Variants in TRAPPC12 observed in about 807,000 individuals in gnomAD.
TRAPPC12 encodes the protein trafficking protein particle complex subunit 12.
TRAPPC12 carries 61 observed loss-of-function variants against 69.2 expected under a neutral mutation model. The ratio of observed to expected loss-of-function variants is 0.88; its 90% CI spans 0.72 to 1.09. The LOEUF is 1.09. Among genes scored for constraint, TRAPPC12 ranks in the 50% least tolerant of loss-of-function variants. The probability of loss-of-function intolerance (pLI) is 0.00; values close to 1 mark genes in which losing one functional copy is unlikely to be tolerated. For missense variants in TRAPPC12, 1,101 were observed against 1,016.4 expected (o/e 1.08, Z -1.13); for synonymous variants, 469 against 438.9 (o/e 1.07, Z -0.86).
intron 6 of TRAPPC12, among the ~76,000 whole-genome samples, chr2:3,450,823 T>C (rs907650747): frequency 6.6e-6 from 1 of 151,958 alleles, no homozygotes; most frequent in Non-Finnish European, 1.5e-5. Context: ...CCCAGTAGTT[T>C]GTATACTAGA....
chr2:3,404,214 G>A (rs578156584), intron 3 of TRAPPC12, among the ~76,000 whole-genome samples: 89 of 152,234 alleles, frequency 5.8e-4, no homozygotes, highest in African/African-American at 2.0e-3. Context: ...CTGTGAGGTC[G>A]CGCAGGGACA....
chr2:3,452,481 G>A (rs747851469), intron 6 of TRAPPC12, among the ~76,000 whole-genome samples: 4 of 152,162 alleles, frequency 2.6e-5, no homozygotes, highest in Non-Finnish European at 4.4e-5. Context: ...CGGTCAGCTG[G>A]GTCTGTTCCA....
At chr2:3,388,933 T>C in intron 2 of TRAPPC12, 1 of 405,442 alleles carries the variant, frequency 2.5e-6, no homozygotes, top group Non-Finnish European at 4.3e-6. Context: ...ATTCTCTCAG[T>C]CAGTTCTCCA....
intron 3 of TRAPPC12, among the ~76,000 whole-genome samples, chr2:3,417,784 T>C (rs1243608240): frequency 6.6e-6 from 1 of 152,152 alleles, no homozygotes; most frequent in Admixed American, 6.5e-5. Flanking sequence ...GGCTCACGCC[T>C]GTAATCTCAG....
intron 9 of TRAPPC12, among the ~76,000 whole-genome samples, chr2:3,475,322 G>A (rs973387765): frequency 2.6e-5 from 4 of 151,660 alleles, no homozygotes; most frequent in South Asian, 4.2e-4. Context: ...TTTGTTGCCC[G>A]GTCTGGTCTT....
rs1296604156 is a variant in TRAPPC12, at chr2:3,387,847, C to T, written c.224C>T (p.Ser75Phe). 1 of 1,603,618 alleles carries T rather than the reference C, an allele frequency of 6.2e-7. No homozygotes were observed. Among genetic ancestry groups the T allele is most frequent in the Admixed American group, 1.7e-5 (1 of 59,654 alleles). The stretch of plus-strand genomic sequence containing the variant: ...ATGGAGAGCGTCCTCATCTCTGACT[C>T]CCCCAACAGCGAGGGCGACGCGGGC... The part of the protein sequence containing the change: ...HMMESVLISD[S>F]PNSEGDAGDL... Residue 75 changes from serine (S) to phenylalanine (F), a missense_variant, in exon 2 of 12, where the codon TCC (serine) becomes TTC (phenylalanine). Physicochemically the swap from Ser to Phe is radical, Grantham distance 155. Coordinates refer to ENST00000324266, the MANE Select transcript of TRAPPC12 (RefSeq NM_016030.6).
intron 8 of TRAPPC12, among the ~76,000 whole-genome samples, chr2:3,462,707 A>G (rs1390602060): frequency 2.6e-5 from 4 of 152,242 alleles, no homozygotes; most frequent in Non-Finnish European, 5.9e-5. Context: ...CACTTTTTAA[A>G]TACTTCTTCC....
chr2:3,425,987 T>C (rs1406835992), intron 5 of TRAPPC12, among the ~76,000 whole-genome samples: 1 of 152,224 alleles, frequency 6.6e-6, no homozygotes, highest in African/African-American at 2.4e-5. Context: ...TAGGAACGAA[T>C]GTAGACGCCG....
intron 4 of TRAPPC12, among the ~76,000 whole-genome samples, chr2:3,422,973 G>T (rs11687204): frequency 6.6e-5 from 10 of 152,216 alleles, no homozygotes; most frequent in African/African-American, 2.2e-4. Context: ...GCGCAGTGGC[G>T]CATTGACTGT....
Position 3,388,374 on chromosome 2 carries a change from C to T in TRAPPC12, c.751C>T (p.Leu251Phe), listed in dbSNP as rs769386931. Residue 251 changes from leucine to phenylalanine, a missense_variant, in exon 2 of 12, where the codon CTC (leucine) becomes TTC (phenylalanine). By Grantham distance (22) the Leu-to-Phe change is conservative. Coordinates refer to ENST00000324266, the MANE Select transcript of TRAPPC12 (RefSeq NM_016030.6). ...CCCGGCCCCCGCCAGCCCGCCTCCC[C>T]TCGCTGTGCCCGGGACCGAGGGGCG... The part of the protein sequence containing the change: ...GSPAPASPPP[L>F]AVPGTEGRPE... The T allele has an allele frequency of 3.7e-6, 6 of 1,600,478 alleles. 1 individual carries two copies. In the South Asian group the frequency reaches 4.5e-5, roughly 12 times the overall value.
intron 3 of TRAPPC12, among the ~76,000 whole-genome samples, chr2:3,403,435 T>C (rs1661565303): frequency 6.6e-6 from 1 of 152,144 alleles, no homozygotes; most frequent in Non-Finnish European, 1.5e-5. Context: ...GGTTTCACCA[T>C]GGCCAGGCTG....
chr2:3,404,703 C>A (rs1222365138), intron 3 of TRAPPC12, among the ~76,000 whole-genome samples: 1 of 152,048 alleles, frequency 6.6e-6, no homozygotes, highest in African/African-American at 2.4e-5. Context: ...GAGGACCCAG[C>A]ACGGTCAGGC....
chr2:3,446,093 G>C (rs1249425052), intron 6 of TRAPPC12, among the ~76,000 whole-genome samples: 1 of 152,232 alleles, frequency 6.6e-6, no homozygotes, highest in Non-Finnish European at 1.5e-5. Context: ...GCCACCGTCA[G>C]TGAGAGAGCC....
chr2:3,452,582 C>A (rs1664905598), intron 6 of TRAPPC12, among the ~76,000 whole-genome samples: 1 of 152,200 alleles, frequency 6.6e-6, no homozygotes, highest in Non-Finnish European at 1.5e-5. Context: ...CCGCACTTAA[C>A]CCTGCCAGGA....
intron 3 of TRAPPC12, among the ~76,000 whole-genome samples, chr2:3,416,987 C>T (rs1662450268): frequency 6.6e-6 from 1 of 151,500 alleles, no homozygotes; most frequent in South Asian, 2.1e-4. Context: ...GGTACCTGCT[C>T]CCGCTCCTCT....
chr2:3,479,236 C>T lies in TRAPPC12; in HGVS notation c.1983C>T (p.Ala661=), dbSNP rs771313731. The change falls in exon 12 of 12, where the codon GCC becomes GCT. Residue 661 remains alanine (A), a synonymous_variant. Transcript: ENST00000324266. Reference sequence around the variant, plus strand: ...CTCCCTAGGCCAACAACAACGCTGCCGTGTGTCTGCTCTACCTGGGCAAGC... The same window carrying T: ...CTCCCTAGGCCAACAACAACGCTGCTGTGTGTCTGCTCTACCTGGGCAAGC... The part of the protein sequence containing the change: ...PRNAVANNNA[A]VCLLYLGKLK... 15 of 1,613,616 alleles carry T rather than the reference C, an allele frequency of 9.3e-6. No homozygotes were observed. The highest frequency in any genetic ancestry group is 2.2e-5 in the East Asian group (1 of 44,876).
intron 5 of TRAPPC12, 77 bp from the exon 6 acceptor site, chr2:3,443,702 C>A: frequency 9.1e-7 from 1 of 1,097,700 alleles, no homozygotes; most frequent in Non-Finnish European, 1.4e-6. Flanking sequence ...ATCTGCGACG[C>A]CTCCTTCAAG....
intron 6 of TRAPPC12, chr2:3,457,339 C>A (rs556089808): frequency 1.5e-5 from 7 of 472,444 alleles, no homozygotes; most frequent in Middle Eastern, 6.3e-4. Flanking sequence ...TGTTGGGTCC[C>A]ATGCTGACTA....
intron 8 of TRAPPC12, 63 bp from the exon 9 acceptor site, chr2:3,465,534 A>T: frequency 1.8e-6 from 2 of 1,128,290 alleles, no homozygotes; most frequent in Non-Finnish European, 2.7e-6. Flanking sequence ...GTGCTCTTCT[A>T]CACGTGTGAA....
Sources: gnomAD v4.1 joint callset for allele counts (sites outside exome capture counted in the v4.1 genomes callset) on GRCh38, gnomAD v4.1.1 for gene constraint, MANE v1.5 for transcripts, NCBI Gene and HGNC (gene_info 2026-07-23, HGNC 2026-07-21) for gene names.